Variants in SMG5 observed in about 807,000 individuals in gnomAD.
SMG5 encodes the protein SMG5 nonsense mediated mRNA decay factor.
SMG5 carries 53 observed loss-of-function variants against 122.9 expected under a neutral mutation model. The observed-to-expected ratio is 0.43, with a 90% CI of 0.35 to 0.54. The LOEUF (loss-of-function observed/expected upper bound fraction) is 0.54, where lower values mean the gene tolerates loss of function less well. SMG5 is among the 20% of genes least tolerant of loss of function. The probability of loss-of-function intolerance (pLI) is 0.01; values close to 1 mark genes in which losing one functional copy is unlikely to be tolerated. For synonymous variants in SMG5, 477 were observed against 490.2 expected (o/e 0.97, Z 0.35); for missense variants, 1,153 against 1,285.6 (o/e 0.90, Z 1.58).
At chr1:156,274,790 T>C in intron 4 of SMG5, 104 bp from the exon 5 acceptor site, 2 of 869,502 alleles carry the variant, frequency 2.3e-6, no homozygotes, top group Non-Finnish European at 3.8e-6. Flanking sequence ...CCAGGGCCAG[T>C]CTTGGAACAT....
chr1:156,277,852 T>C (rs1342833357), intron 3 of SMG5, 73 bp downstream of exon 3: 9 of 1,591,976 alleles, frequency 5.7e-6, no homozygotes, highest in Middle Eastern at 1.7e-4. Context: ...CCTCCAACCA[T>C]GTTCTGCGCC....
In SMG5 at chr1:156,250,547, G is replaced by A. The variant is rs1428878527; in HGVS notation, c.*40C>T. ...CCTGGCTGCCAGGGAGGGCAGGAGA[G>A]ATCTGGAGTCAGCCCCACTGCAGGG... On this transcript the variant is annotated 3_prime_UTR_variant, in exon 22 of 22. Coordinates refer to ENST00000361813, the MANE Select transcript of SMG5 (RefSeq NM_015327.3). The A allele has an allele frequency of 6.4e-7, 1 of 1,568,440 alleles. No individual in the cohort carries two copies. Among genetic ancestry groups the A allele is most frequent in the South Asian group, 1.1e-5 (1 of 90,180 alleles).
chr1:156,285,577 T>C (rs1368831743), upstream of SMG5: 6 of 1,614,220 alleles, frequency 3.7e-6, no homozygotes, highest in South Asian at 4.4e-5. Flanking sequence ...CCGAAGACGA[T>C]GCCAACCTGC....
rs1480727637 is a variant in SMG5, at chr1:156,277,116, G to C, written c.423C>G (p.Ile141Met). The change falls in exon 4 of 22, where the codon ATC becomes ATG. Residue 141 changes from isoleucine to methionine, a missense_variant. By Grantham distance (10) the Ile-to-Met change is conservative. This residue lies in a region of SMG5 where 213 missense variants were observed against 197.5 expected (regional missense o/e 1.08). Coordinates refer to ENST00000361813, the MANE Select transcript of SMG5 (RefSeq NM_015327.3). Reference sequence around the variant, plus strand: ...GGGGGTCAGTGACATGGGTCCAGTCGATGCAGCACTGCAGTTCCAGCTGGT... The same window carrying C: ...GGGGGTCAGTGACATGGGTCCAGTCCATGCAGCACTGCAGTTCCAGCTGGT... ...SHYQLELQCC[I>M]DWTHVTDPLI... The C allele has an allele frequency of 4.3e-6, 7 of 1,613,686 alleles. No homozygotes were observed. The highest frequency in any genetic ancestry group is 5.9e-6 in the Non-Finnish European group (7 of 1,179,864).
chr1:156,282,173 G>T (rs1323246222), intron 1 of SMG5, among the ~76,000 whole-genome samples: 5 of 152,098 alleles, frequency 3.3e-5, no homozygotes, highest in Non-Finnish European at 7.3e-5. Flanking sequence ...GTGAGAGAGT[G>T]GCAAAGGATG....
chr1:156,251,858 C>T (rs1182519604), intron 19 of SMG5, among the ~76,000 whole-genome samples: 3 of 152,176 alleles, frequency 2.0e-5, no homozygotes, highest in Non-Finnish European at 4.4e-5. Context: ...CTCCTTATTC[C>T]CTACACCCTC....
chr1:156,266,525 T>G lies in SMG5; in HGVS notation c.1255+16A>C, dbSNP rs1662153688. ...CACCAACCTTTCCATAGTGATGACC[T>G]CCCCGATTCTCCCACCTGTGCCATC... On this transcript the variant is annotated intron_variant, in intron 11 of 21. Coordinates refer to ENST00000361813, the MANE Select transcript of SMG5 (RefSeq NM_015327.3). 1 of 1,613,852 alleles carries G rather than the reference T, an allele frequency of 6.2e-7. No individual in the cohort carries two copies. Among genetic ancestry groups the G allele is most frequent in the Admixed American group, 1.7e-5 (1 of 59,976 alleles).
chr1:156,267,403 T>A, intron 10 of SMG5, 67 bp downstream of exon 10: 2 of 1,487,526 alleles, frequency 1.3e-6, no homozygotes, highest in Non-Finnish European at 1.9e-6. Context: ...AATAAGGAGC[T>A]GCAGAAAAGG....
chr1:156,264,448 G>A (rs1159412331), intron 12 of SMG5, among the ~76,000 whole-genome samples: 5 of 151,978 alleles, frequency 3.3e-5, no homozygotes, highest in African/African-American at 1.2e-4. Context: ...TAGGTACTAG[G>A]GATACAGCAA....
upstream of SMG5, chr1:156,286,161 G>A (rs1474864096): frequency 6.5e-6 from 9 of 1,393,066 alleles, no homozygotes; most frequent in Non-Finnish European, 9.0e-6. Flanking sequence ...ACTGTGTAGA[G>A]CCCATGCACT....
At chr1:156,260,378 C>T in intron 15 of SMG5, 73 bp downstream of exon 15, 2 of 1,537,922 alleles carry the variant, frequency 1.3e-6, no homozygotes, top group African/African-American at 1.4e-5. Context: ...CCCCTCCCTC[C>T]CCAGATCTGA....
intron 15 of SMG5, 88 bp downstream of exon 15, chr1:156,260,363 C>G: frequency 6.8e-7 from 1 of 1,460,238 alleles, no homozygotes; most frequent in Non-Finnish European, 9.3e-7. Context: ...AAGAGGGCAT[C>G]CTGCCCCCTC....
chr1:156,286,441 C>T, upstream of SMG5: 1 of 1,614,194 alleles, frequency 6.2e-7, no homozygotes, highest in Admixed American at 1.7e-5. Flanking sequence ...TCAAACTGCT[C>T]CCTCTGCTCA....
At chr1:156,257,786 T>C (rs1392628752) in intron 16 of SMG5, among the ~76,000 whole-genome samples, 4 of 152,140 alleles carry the variant, frequency 2.6e-5, no homozygotes, top group African/African-American at 9.7e-5. Context: ...TGGAAGCTAC[T>C]GGCCCTGGGA....
At chr1:156,258,737 A>C (rs1661685115) in intron 16 of SMG5, among the ~76,000 whole-genome samples, 1 of 151,756 alleles carries the variant, frequency 6.6e-6, no homozygotes, top group African/African-American at 2.4e-5. Context: ...CGGAGGTTGC[A>C]GTGAGCTGAG....
At chr1:156,290,810 C>CA in the SMG5 span, 1 of 142,364 alleles carries the variant, frequency 7.0e-6, no homozygotes, top group African/African-American at 2.6e-5. Flanking sequence ...GCCTGGGTGA[C>CA]AGAGAGAGAC....
Position 156,267,460 on chromosome 1 carries a change from G to A in SMG5, c.1117+10C>T, listed in dbSNP as rs566170376. ...AGTGGAAGAGAAAAGAGGAACATAGGGAAGGTTACCTGCTCTCTCCAAGCT... is the reference window on the plus strand; with the variant it reads ...AGTGGAAGAGAAAAGAGGAACATAGAGAAGGTTACCTGCTCTCTCCAAGCT... On this transcript the variant is annotated intron_variant, in intron 10 of 21. Coordinates refer to ENST00000361813, the MANE Select transcript of SMG5 (RefSeq NM_015327.3). 2 of 1,613,358 alleles carry A rather than the reference G, an allele frequency of 1.2e-6. No individual in the cohort carries two copies. The highest frequency in any genetic ancestry group is 1.1e-5 in the South Asian group (1 of 91,064).
intron 15 of SMG5, 131 bp from the exon 16 acceptor site, chr1:156,259,294 G>A: frequency 2.1e-6 from 2 of 972,334 alleles, no homozygotes; most frequent in Non-Finnish European, 2.9e-6. Context: ...AGGGCTCCAG[G>A]GGAAGATTTG....
intron 16 of SMG5, among the ~76,000 whole-genome samples, chr1:156,255,859 T>A (rs1661556068): frequency 6.6e-6 from 1 of 152,132 alleles, no homozygotes; most frequent in Non-Finnish European, 1.5e-5. Flanking sequence ...GCTATGGTCA[T>A]GCCACTGCAC....
Sources: gnomAD v4.1 joint callset for allele counts (sites outside exome capture counted in the v4.1 genomes callset) on GRCh38, gnomAD v4.1.1 for gene constraint, gnomAD v4.1.1 regional missense constraint, MANE v1.5 for transcripts, NCBI Gene and HGNC (gene_info 2026-07-23, HGNC 2026-07-21) for gene names.